OTC: variants seen among roughly 807,000 people sequenced by gnomAD.
The protein encoded by OTC is ornithine transcarbamylase.
OTC carries 3 observed loss-of-function variants against 30.3 expected under a neutral mutation model. The observed-to-expected ratio is 0.10, with a 90% CI of 0.05 to 0.26. OTC has a LOEUF of 0.26. Ranked by LOEUF, OTC falls within the 10% of genes least tolerant of loss-of-function variation. The pLI, the probability that OTC is intolerant of heterozygous loss-of-function variation, is 1.00. For missense variants in OTC, 194 were observed against 260.3 expected (o/e 0.75, Z 1.75); for synonymous variants, 111 against 99.7 (o/e 1.11, Z -0.67).
At chrX:38,370,079 A>G (rs1343700075) in intron 3 of OTC, among the ~76,000 whole-genome samples, 1 of 112,919 alleles carries the variant, frequency 8.9e-6, no homozygotes, top group Non-Finnish European at 1.9e-5. Flanking sequence ...AGCTTCATCT[A>G]TAAGAATTCC....
Position 38,359,335 on chromosome X carries a change from A to T in OTC, c.77+6562A>T, listed in dbSNP as rs141772304. Among the ~76,000 whole-genome samples, 1,068 of 111,641 alleles carry T rather than the reference A, an allele frequency of 9.6e-3. 25 individuals carry two copies. Among genetic ancestry groups the T allele is most frequent in the Admixed American group, 0.071 (745 of 10,511 alleles). ...CAGCTTTAGCAACACACTAGGCCAC[A>T]GTCAATTATCCTCCATGATTTTCAG... On this transcript the variant is annotated intron_variant, in intron 1 of 9. Transcript: ENST00000039007.
chrX:38,404,858 A>G lies in OTC; in HGVS notation c.663+1118A>G, dbSNP rs1050807438. 3.6e-5 allele frequency among the ~76,000 whole-genome samples: 4 copies of G among 111,542 alleles called. No individual in the cohort carries two copies. In the East Asian group the frequency reaches 8.5e-4, roughly 24 times the overall value. ...GTGCTAAAATTGAGAGTCCGGGCAA[A>G]CCAAGGTGATTTGGTCACCCTAGTC... On this transcript the variant is annotated intron_variant, in intron 6 of 9. Coordinates refer to ENST00000039007, the MANE Select transcript of OTC (RefSeq NM_000531.6).
chrX:38,358,110 C>T, intron 1 of OTC, among the ~76,000 whole-genome samples: 1 of 111,246 alleles, frequency 9.0e-6, no homozygotes, highest in Non-Finnish European at 1.9e-5. Flanking sequence ...ATGCATTTGG[C>T]CCTGGTTCTG....
intron 9 of OTC, among the ~76,000 whole-genome samples, chrX:38,416,316 G>C (rs1480945435): frequency 1.8e-5 from 2 of 111,089 alleles, no homozygotes; most frequent in African/African-American, 6.6e-5. Context: ...ATAGTGCACA[G>C]GTCTTTGGAC....
chrX:38,360,314 A>G (rs1415626526), intron 1 of OTC, among the ~76,000 whole-genome samples: 1 of 111,797 alleles, frequency 8.9e-6, no homozygotes, highest in African/African-American at 3.3e-5. Flanking sequence ...AATGACTACT[A>G]CATTCCAAGC....
chrX:38,328,112 A>G, the OTC span, among the ~76,000 whole-genome samples: 1 of 112,619 alleles, frequency 8.9e-6, no homozygotes, highest in East Asian at 2.8e-4. Flanking sequence ...GGGGTAGCCC[A>G]ACATCATTGC....
chrX:38,422,781 A>G (rs910166815), downstream of OTC, among the ~76,000 whole-genome samples: 1 of 111,714 alleles, frequency 9.0e-6, no homozygotes, highest in African/African-American at 3.3e-5. Context: ...AGGGGAGGAA[A>G]ATTCACCCTT....
At chrX:38,358,183 T>G (rs1569271736) in intron 1 of OTC, among the ~76,000 whole-genome samples, 1 of 110,795 alleles carries the variant, frequency 9.0e-6, no homozygotes, top group Non-Finnish European at 1.9e-5. Flanking sequence ...GGGAACTTAA[T>G]AGCCATTGAT....
intron 1 of OTC, among the ~76,000 whole-genome samples, chrX:38,365,814 A>C (rs1390834233): frequency 1.8e-5 from 2 of 112,162 alleles, no homozygotes; most frequent in African/African-American, 6.5e-5. Context: ...AGCAAAGAAC[A>C]TGGAGAACTT....
At chrX:38,404,875 A>T (rs909121916) in intron 6 of OTC, among the ~76,000 whole-genome samples, 1 of 110,425 alleles carries the variant, frequency 9.1e-6, no homozygotes, top group Non-Finnish European at 1.9e-5. Context: ...TGATTTGGTC[A>T]CCCTAGTCCC....
intron 1 of OTC, among the ~76,000 whole-genome samples, chrX:38,357,021 GA>G: frequency 9.0e-6 from 1 of 111,402 alleles, no homozygotes; most frequent in Middle Eastern, 4.6e-3. Flanking sequence ...GAGAAGGAAA[GA>G]AAGGGATAGA....
the OTC span, among the ~76,000 whole-genome samples, chrX:38,335,691 A>G: frequency 8.9e-6 from 1 of 112,766 alleles, no homozygotes; most frequent in Non-Finnish European, 1.9e-5. Flanking sequence ...GAATGGCCCA[A>G]CTGTTCAGCA....
rs2068545602 is a variant in OTC, at chrX:38,411,940, T to C, written c.946T>C (p.Phe316Leu). 1 of 1,209,298 alleles carries C rather than the reference T, an allele frequency of 8.3e-7. No individual in the cohort carries two copies. The highest frequency in any genetic ancestry group is 1.7e-5 in the African/African-American group (1 of 57,772). The change falls in exon 9 of 10, where the codon TTT (phenylalanine) becomes CTT (leucine). Residue 316 changes from phenylalanine (F) to leucine (L), a missense_variant. Coordinates refer to ENST00000039007, the MANE Select transcript of OTC (RefSeq NM_000531.6). ...GCCAGAAGAAGTGGATGATGAAGTC[T>C]TTTATTCTCCTCGATCACTAGTGTT... Reference protein sequence around the residue: ...RKPEEVDDEVFYSPRSLVFPE... With the variant: ...RKPEEVDDEVLYSPRSLVFPE...
chrX:38,360,853 C>T (rs1441141735), intron 1 of OTC, among the ~76,000 whole-genome samples: 1 of 112,461 alleles, frequency 8.9e-6, no homozygotes, highest in African/African-American at 3.2e-5. Context: ...CACAGTACCT[C>T]ATGGTCAGTG....
chrX:38,359,763 T>C (rs746078811), intron 1 of OTC, among the ~76,000 whole-genome samples: 2 of 111,268 alleles, frequency 1.8e-5, no homozygotes, highest in Non-Finnish European at 3.8e-5. Flanking sequence ...AGTTTTGACA[T>C]TGTGAATAAT....
chrX:38,388,809 G>A (rs2068417707), intron 4 of OTC, among the ~76,000 whole-genome samples: 1 of 112,291 alleles, frequency 8.9e-6, no homozygotes, highest in Non-Finnish European at 1.9e-5. Context: ...TTATGGTAGT[G>A]ATTGCTAAAA....
At chrX:38,403,368 T>C (rs186798043) in intron 5 of OTC, among the ~76,000 whole-genome samples, 1 of 111,786 alleles carries the variant, frequency 8.9e-6, no homozygotes, top group East Asian at 2.8e-4. Flanking sequence ...ATTTGAAATG[T>C]ATGAAACTCT....
the OTC span, among the ~76,000 whole-genome samples, chrX:38,337,606 G>A: frequency 8.9e-6 from 1 of 111,748 alleles, no homozygotes; most frequent in Admixed American, 9.5e-5. Context: ...CACTGGGAGC[G>A]TTTGCCGTAT....
At position 38,412,149 on chromosome X, in the gene OTC, C is replaced by T. The variant is rs1001285744; in HGVS notation, c.1005+150C>T. 7 of 531,688 alleles carry T rather than the reference C, an allele frequency of 1.3e-5. No homozygotes were observed. In the African/African-American group the frequency reaches 1.4e-4, roughly 11 times the overall value. The allele number at this position is 531,688 out of a possible 1,213,427, so 43.8% of individuals were successfully genotyped here. On this transcript the variant is annotated intron_variant, in intron 9 of 9. Transcript: ENST00000039007. ...ATTTTTTTCCAGAAACTTTATAATA[C>T]ATCATTAGTGCTTATTAGCATTTAT... is the stretch of plus-strand genomic sequence containing the variant.
Sources: gnomAD v4.1 joint callset for allele counts (sites outside exome capture counted in the v4.1 genomes callset) on GRCh38, gnomAD v4.1.1 for gene constraint, MANE v1.5 for transcripts, NCBI Gene and HGNC (gene_info 2026-07-23, HGNC 2026-07-21) for gene names.